Variants in RYR2 observed in about 807,000 individuals in gnomAD.
RYR2 encodes ryanodine receptor 2.
A neutral mutation model predicts 601.1 loss-of-function variants in RYR2; 227 were observed. The ratio of observed to expected loss-of-function variants is 0.38; its 90% CI spans 0.34 to 0.42. The LOEUF is 0.42. RYR2 is among the 10% of genes least tolerant of loss of function. The probability of loss-of-function intolerance (pLI) is 1.00; values close to 1 mark genes in which losing one functional copy is unlikely to be tolerated. For missense variants in RYR2, 4,646 were observed against 6,156.5 expected (o/e 0.75, Z 8.21); for synonymous variants, 2,223 against 2,175.1 (o/e 1.02, Z -0.61).
chr1:237,208,783 G>A (rs560989995), intron 1 of RYR2, among the ~76,000 whole-genome samples: 27 of 151,200 alleles, frequency 1.8e-4, no homozygotes, highest in Non-Finnish European at 3.7e-4. Flanking sequence ...TAACTACAGG[G>A]ACCCACCCTA....
At chr1:237,643,483 A>C (rs773134948) in intron 48 of RYR2, 36 bp downstream of exon 48, 2 of 1,613,276 alleles carry the variant, frequency 1.2e-6, no homozygotes, top group South Asian at 2.2e-5. Context: ...ATTCAGTAGG[A>C]TGTTGGATGA....
At chr1:237,548,700 A>C in intron 26 of RYR2, 110 bp downstream of exon 26, 16 of 1,308,862 alleles carry the variant, frequency 1.2e-5, no homozygotes, top group Non-Finnish European at 1.5e-5. Flanking sequence ...CATATAGATC[A>C]CATATAGTGC....
At chr1:237,726,153 G>A in intron 74 of RYR2, 120 bp from the exon 75 acceptor site, 1 of 740,972 alleles carries the variant, frequency 1.3e-6, no homozygotes, top group Non-Finnish European at 2.2e-6. Flanking sequence ...AACCACCGCA[G>A]TCCAAACATT....
intron 1 of RYR2, among the ~76,000 whole-genome samples, chr1:237,097,411 A>G (rs1010603343): frequency 2.6e-5 from 4 of 152,214 alleles, no homozygotes; most frequent in African/African-American, 4.8e-5. Flanking sequence ...ACCCCAGATG[A>G]CAGAACTGAT....
chr1:237,473,470 T>TTTCTTTCTTTCTTC (rs1402083497), intron 17 of RYR2, among the ~76,000 whole-genome samples: 1 of 149,288 alleles, frequency 6.7e-6, no homozygotes, highest in Non-Finnish European at 1.5e-5. Flanking sequence ...TCTATCTATC[T>TTTCTTTCTTTCTTC]ATCTATCTGG....
chr1:237,270,614 A>G lies in RYR2; in HGVS notation c.166A>G (p.Lys56Glu). 6.3e-7 allele frequency: 1 copy of G among 1,578,238 alleles called. No homozygotes were observed. The highest frequency in any genetic ancestry group is 2.3e-5 in the East Asian group (1 of 43,580). ...TTTCTTGGAGTCCACTTCCAATTCC[A>G]AGGTGGGATGAAGTCTTTCAAGGCT... ...LCFLESTSNS[K>E]NVPPDLSICT... is the part of the protein sequence containing the mutation. Residue 56 changes from lysine to glutamate, a missense_variant and splice_region_variant, in exon 2 of 105, where the codon AAG (lysine) becomes GAG (glutamate). By Grantham distance (56) the Lys-to-Glu change is moderately conservative (BLOSUM62 1). Around this residue, in one of 17 missense-constraint regions of RYR2, gnomAD observed 153 missense variants for 203.6 expected, o/e 0.75. Coordinates refer to ENST00000366574, the MANE Select transcript of RYR2 (RefSeq NM_001035.3).
Position 237,127,973 on chromosome 1 carries a change from C to G in RYR2, c.48+85404C>G, listed in dbSNP as rs531643535. ...CCAGGCAGAGATGCTCCTCACTTCC[C>G]AGATGGGGTGGCGGCCGGGCAGAGG... On this transcript the variant is annotated intron_variant, in intron 1 of 104. Coordinates refer to ENST00000366574, the MANE Select transcript of RYR2 (RefSeq NM_001035.3). Among the ~76,000 whole-genome samples the G allele has an allele frequency of 6.6e-3, 998 of 152,164 alleles. 5 individuals are homozygous for G. The highest frequency in any genetic ancestry group is 0.01 in the Non-Finnish European group (687 of 68,000).
chr1:237,043,925 A>C (rs1171012284), intron 1 of RYR2, among the ~76,000 whole-genome samples: 1 of 152,238 alleles, frequency 6.6e-6, no homozygotes, highest in Non-Finnish European at 1.5e-5. Context: ...AACGTTGTAA[A>C]CGACTGTCTC....
At chr1:237,813,664 G>T (rs182908900) in intron 100 of RYR2, among the ~76,000 whole-genome samples, 2 of 152,268 alleles carry the variant, frequency 1.3e-5, no homozygotes, top group East Asian at 3.9e-4. Context: ...TTTCATGGGG[G>T]CATGAATACA....
At chr1:237,172,463 T>C (rs1677512999) in intron 1 of RYR2, among the ~76,000 whole-genome samples, 1 of 152,022 alleles carries the variant, frequency 6.6e-6, no homozygotes, top group Non-Finnish European at 1.5e-5. Flanking sequence ...GCTGATAATT[T>C]AAAAACGGCT....
At chr1:237,785,413 G>A (rs1695469361) in intron 90 of RYR2, among the ~76,000 whole-genome samples, 1 of 152,104 alleles carries the variant, frequency 6.6e-6, no homozygotes, top group Admixed American at 6.5e-5. Flanking sequence ...CATGAATATG[G>A]CATATTTTCC....
intron 14 of RYR2, among the ~76,000 whole-genome samples, chr1:237,451,988 TTG>T (rs890152195): frequency 8.6e-4 from 37 of 43,086 alleles, no homozygotes; most frequent in African/African-American, 1.7e-3. Context: ...GTATGTGTGT[TTG>T]TGTGTGTGTT....
chr1:237,202,327 G>C (rs1283943434), intron 1 of RYR2, among the ~76,000 whole-genome samples: 1 of 152,076 alleles, frequency 6.6e-6, no homozygotes, highest in African/African-American at 2.4e-5. Flanking sequence ...TGAACATTGG[G>C]AATAGATTTG....
intron 36 of RYR2, 80 bp from the exon 37 acceptor site, chr1:237,613,959 G>T: frequency 1.5e-6 from 2 of 1,326,470 alleles, no homozygotes; most frequent in Non-Finnish European, 2.1e-6. Flanking sequence ...AATTTACAGT[G>T]CATACTGATT....
chr1:237,123,812 T>G (rs960046933), intron 1 of RYR2, among the ~76,000 whole-genome samples: 1 of 151,624 alleles, frequency 6.6e-6, no homozygotes. Flanking sequence ...GGACTACAGG[T>G]GCCCGCCACC....
intron 10 of RYR2, among the ~76,000 whole-genome samples, chr1:237,401,062 TA>T (rs1391212783): frequency 6.6e-6 from 1 of 152,202 alleles, no homozygotes; most frequent in Non-Finnish European, 1.5e-5. Flanking sequence ...CAAATAATAT[TA>T]ATTGCCATTT....
intron 101 of RYR2, among the ~76,000 whole-genome samples, chr1:237,826,161 C>T (rs1381099828): frequency 6.6e-6 from 1 of 152,146 alleles, no homozygotes; most frequent in Non-Finnish European, 1.5e-5. Flanking sequence ...AATCTTATTA[C>T]TGGGGATATA....
At chr1:237,523,388 A>G (rs1471769146) in intron 24 of RYR2, among the ~76,000 whole-genome samples, 2 of 152,214 alleles carry the variant, frequency 1.3e-5, no homozygotes, top group Non-Finnish European at 2.9e-5. Context: ...TATCCAGAAT[A>G]TATATAGAAA....
intron 1 of RYR2, among the ~76,000 whole-genome samples, chr1:237,195,829 G>T (rs1381983488): frequency 6.6e-6 from 1 of 152,130 alleles, no homozygotes; most frequent in African/African-American, 2.4e-5. Flanking sequence ...TATATGTATA[G>T]GGCTTAAGAA....
Sources: allele counts gnomAD v4.1 joint callset (sites outside exome capture counted in the v4.1 genomes callset), GRCh38; gene constraint gnomAD v4.1.1; regional missense constraint gnomAD v4.1.1; transcripts MANE v1.5; gene names NCBI Gene and HGNC (gene_info 2026-07-23, HGNC 2026-07-21).